The following PRELID2 variants were observed in gnomAD, a reference collection of about 807,000 sequenced individuals.
PRELID2 encodes PRELI domain-containing protein 2.
In PRELID2, 25 loss-of-function variants were observed where a neutral mutation model predicts 28.4. The ratio of observed to expected loss-of-function variants is 0.88; its 90% CI spans 0.64 to 1.23. The LOEUF (loss-of-function observed/expected upper bound fraction) is 1.23. PRELID2 is among the 50% of genes most tolerant of loss of function. The pLI, the probability that PRELID2 is intolerant of heterozygous loss-of-function variation, is 0.00. For missense variants in PRELID2, 201 were observed against 214.4 expected (o/e 0.94, Z 0.39); for synonymous variants, 76 against 71.6 (o/e 1.06, Z -0.31).
the PRELID2 span, among the ~76,000 whole-genome samples, chr5:145,370,694 C>G: frequency 6.6e-6 from 1 of 152,032 alleles, no homozygotes; most frequent in Non-Finnish European, 1.5e-5. Context: ...AGCATTGAAT[C>G]TGTAAGTTAG....
At chr5:145,476,728 C>A (rs948628490) in intron 1 of PRELID2, among the ~76,000 whole-genome samples, 4 of 151,968 alleles carry the variant, frequency 2.6e-5, no homozygotes, top group Non-Finnish European at 5.9e-5. Flanking sequence ...AATGAAACAC[C>A]TTTCACATGC....
At chr5:145,634,120 G>C (rs963238585) in intron 1 of PRELID2, among the ~76,000 whole-genome samples, 5 of 152,252 alleles carry the variant, frequency 3.3e-5, no homozygotes, top group East Asian at 1.9e-4. Context: ...TTCCAGGGTG[G>C]TACATTTTGT....
the PRELID2 span, among the ~76,000 whole-genome samples, chr5:145,396,745 G>A: frequency 6.6e-6 from 1 of 151,968 alleles, no homozygotes; most frequent in Non-Finnish European, 1.5e-5. Flanking sequence ...TTGAAACACA[G>A]AAAGAATAAA....
intron 1 of PRELID2, among the ~76,000 whole-genome samples, chr5:145,498,970 TA>T (rs925561933): frequency 1.3e-5 from 2 of 151,984 alleles, no homozygotes; most frequent in African/African-American, 4.8e-5. Context: ...ACTACTGAGT[TA>T]AAAAAAAGAC....
At chr5:145,755,626 G>C (rs1321844135), downstream of PRELID2, among the ~76,000 whole-genome samples, 1 of 152,112 alleles carries the variant, frequency 6.6e-6, no homozygotes, top group Non-Finnish European at 1.5e-5. Flanking sequence ...AAAGTCTCTT[G>C]AATTTGATAG....
At chr5:145,352,340 A>C in the PRELID2 span, among the ~76,000 whole-genome samples, 4 of 152,176 alleles carry the variant, frequency 2.6e-5, no homozygotes, top group South Asian at 8.3e-4. Flanking sequence ...GTGTACCCTC[A>C]TGCCCAACAC....
intron 1 of PRELID2, among the ~76,000 whole-genome samples, chr5:145,700,857 A>T (rs1179837018): frequency 6.6e-6 from 1 of 152,172 alleles, no homozygotes; most frequent in Non-Finnish European, 1.5e-5. Flanking sequence ...AGTGCATCTA[A>T]CACCCAGGTG....
At chr5:145,649,884 CT>C (rs1754259688) in intron 1 of PRELID2, among the ~76,000 whole-genome samples, 1 of 152,046 alleles carries the variant, frequency 6.6e-6, no homozygotes, top group Admixed American at 6.6e-5. Context: ...TTATCTCTTG[CT>C]TGTTTTATTG....
At chr5:145,611,524 C>A (rs889772423) in intron 1 of PRELID2, among the ~76,000 whole-genome samples, 5 of 152,224 alleles carry the variant, frequency 3.3e-5, no homozygotes, top group African/African-American at 1.2e-4. Context: ...ATTAAAAATT[C>A]TTCTAAGACC....
the PRELID2 span, among the ~76,000 whole-genome samples, chr5:145,432,928 G>A: frequency 6.6e-6 from 1 of 151,800 alleles, no homozygotes; most frequent in African/African-American, 2.4e-5. Flanking sequence ...ATCTAAACAG[G>A]GCATCTTCAA....
At chr5:145,572,947 C>T (rs1244174024) in intron 1 of PRELID2, among the ~76,000 whole-genome samples, 1 of 152,118 alleles carries the variant, frequency 6.6e-6, no homozygotes, top group Non-Finnish European at 1.5e-5. Flanking sequence ...CTCAAATTCT[C>T]ACCCCACCAC....
intron 1 of PRELID2, among the ~76,000 whole-genome samples, chr5:145,476,899 T>C (rs1752107290): frequency 6.6e-6 from 1 of 152,190 alleles, no homozygotes; most frequent in Admixed American, 6.5e-5. Flanking sequence ...TGATAAATCA[T>C]ATATTTGTAA....
chr5:145,786,254 C>T (rs960546717), intron 5 of PRELID2, among the ~76,000 whole-genome samples: 3 of 152,180 alleles, frequency 2.0e-5, no homozygotes, highest in Non-Finnish European at 4.4e-5. Flanking sequence ...GATGTGGCTC[C>T]TAGTGACCTG....
chr5:145,524,479 G>C (rs1006195797), intron 1 of PRELID2, among the ~76,000 whole-genome samples: 1 of 152,194 alleles, frequency 6.6e-6, no homozygotes, highest in Non-Finnish European at 1.5e-5. Flanking sequence ...ACTAACTCGA[G>C]ATTTGAGAAA....
chr5:145,293,818 G>A, the PRELID2 span, among the ~76,000 whole-genome samples: 1 of 152,170 alleles, frequency 6.6e-6, no homozygotes, highest in East Asian at 1.9e-4. Context: ...GTAACCAGAT[G>A]CTGGGATTAA....
At chr5:145,394,659 T>A in the PRELID2 span, among the ~76,000 whole-genome samples, 96,758 of 152,062 alleles carry the variant, frequency 0.64, 31,075 homozygotes, top group East Asian at 0.89. Flanking sequence ...AATGGAGCCT[T>A]GATCATCTGA....
At chr5:145,436,725 C>T in the PRELID2 span, among the ~76,000 whole-genome samples, 1 of 152,020 alleles carries the variant, frequency 6.6e-6, no homozygotes, top group East Asian at 1.9e-4. Context: ...CTGTGAGAAT[C>T]CTGAATGTGT....
At chr5:145,583,592 G>T (rs1049322930) in intron 1 of PRELID2, among the ~76,000 whole-genome samples, 3 of 152,128 alleles carry the variant, frequency 2.0e-5, no homozygotes, top group African/African-American at 7.2e-5. Flanking sequence ...CTTAGGTAAA[G>T]TCTCAGGATA....
At chr5:145,469,552 A>G (rs574403858), downstream of PRELID2, among the ~76,000 whole-genome samples, 95 of 152,186 alleles carry the variant, frequency 6.2e-4, 1 homozygote, top group African/African-American at 2.2e-3. Context: ...ATCCAGATGG[A>G]AACTTCCATT....
Sources: gnomAD v4.1 joint callset for allele counts (sites outside exome capture counted in the v4.1 genomes callset) on GRCh38, gnomAD v4.1.1 for gene constraint, MANE v1.5 for transcripts, NCBI Gene and HGNC (gene_info 2026-07-23, HGNC 2026-07-21) for gene names.